CSMD1: variants seen among roughly 807,000 people sequenced by gnomAD.
The protein encoded by CSMD1 is CUB and Sushi multiple domains 1, also known as CUB and sushi domain-containing protein 1.
CSMD1 carries 213 observed loss-of-function variants against 417.5 expected under a neutral mutation model. The ratio of observed to expected loss-of-function variants is 0.51; its 90% CI spans 0.46 to 0.57. The LOEUF (loss-of-function observed/expected upper bound fraction) is 0.57. Ranked by LOEUF, CSMD1 falls within the 20% of genes least tolerant of loss-of-function variation. The pLI is 0.00. For synonymous variants in CSMD1, 2,862 were observed against 1,736.8 expected (o/e 1.65, Z -16.11); for missense variants, 6,923 against 4,529.7 (o/e 1.53, Z -15.17).
chr8:4,206,944 A>G (rs1178849003), intron 3 of CSMD1, among the ~76,000 whole-genome samples: 1 of 152,204 alleles, frequency 6.6e-6, no homozygotes, highest in African/African-American at 2.4e-5. Flanking sequence ...CTTTGAATGG[A>G]TAAAATGCCT....
intron 1 of CSMD1, among the ~76,000 whole-genome samples, chr8:4,919,380 C>A (rs1296470332): frequency 1.3e-5 from 2 of 152,014 alleles, no homozygotes; most frequent in African/African-American, 4.8e-5. Flanking sequence ...AACAAATAAT[C>A]TAATAAATTT....
At chr8:4,802,409 C>G (rs1389889919) in intron 1 of CSMD1, among the ~76,000 whole-genome samples, 2 of 151,722 alleles carry the variant, frequency 1.3e-5, no homozygotes, top group African/African-American at 4.8e-5. Context: ...CCGTGGTTAA[C>G]TTAACTTTGG....
intron 48 of CSMD1, among the ~76,000 whole-genome samples, chr8:3,088,073 C>A (rs1444032567): frequency 6.6e-6 from 1 of 152,160 alleles, no homozygotes; most frequent in Non-Finnish European, 1.5e-5. Flanking sequence ...GAAGAAAATG[C>A]ATTCTCTTGA....
intron 2 of CSMD1, among the ~76,000 whole-genome samples, chr8:4,580,918 G>C (rs1048737400): frequency 1.3e-5 from 2 of 152,172 alleles, no homozygotes; most frequent in African/African-American, 2.4e-5. Context: ...ATCATCGGAA[G>C]TTCAATGCAC....
At position 2,951,148 on chromosome 8, in the gene CSMD1, G is replaced by A. The variant is rs1802601111; in HGVS notation, c.10167C>T (p.Phe3389=). The A allele has an allele frequency of 1.9e-6, 3 of 1,613,424 alleles. No homozygotes were observed. The highest frequency in any genetic ancestry group is 1.3e-5 in the African/African-American group (1 of 74,916). Residue 3389 remains phenylalanine (F), a synonymous_variant, in exon 66 of 70, where the codon TTC becomes TTT. Coordinates refer to ENST00000635120, the MANE Select transcript of CSMD1 (RefSeq NM_033225.6). Reference sequence around the variant, plus strand: ...TCAGCTCCACTGGCGAGGCTTCGCTGAAGGTGGCATTCACCTTACTGCTTG... The same window carrying A: ...TCAGCTCCACTGGCGAGGCTTCGCTAAAGGTGGCATTCACCTTACTGCTTG... ...NATSSKVNAT[F]SEASPVELKL...
intron 5 of CSMD1, among the ~76,000 whole-genome samples, chr8:3,810,623 T>C (rs1044142825): frequency 5.3e-5 from 8 of 152,324 alleles, no homozygotes; most frequent in South Asian, 2.1e-4. Context: ...TGACTCATTA[T>C]TGGGGGACTG....
chr8:4,630,461 A>T (rs1802444213), intron 2 of CSMD1, among the ~76,000 whole-genome samples: 1 of 151,438 alleles, frequency 6.6e-6, no homozygotes, highest in African/African-American at 2.5e-5. Context: ...TCAAAAACAA[A>T]ACAAAACAAA....
intron 5 of CSMD1, among the ~76,000 whole-genome samples, chr8:3,942,483 G>T (rs1289390297): frequency 6.6e-6 from 1 of 152,060 alleles, no homozygotes; most frequent in African/African-American, 2.4e-5. Flanking sequence ...ACAGATGCCT[G>T]GATGAGCAAT....
chr8:3,920,464 C>A (rs909659839), intron 5 of CSMD1, among the ~76,000 whole-genome samples: 1 of 151,852 alleles, frequency 6.6e-6, no homozygotes, highest in African/African-American at 2.4e-5. Flanking sequence ...ATTTGAGTGC[C>A]TTTTATTCTT....
chr8:4,349,209 A>T (rs1338783891), intron 3 of CSMD1, among the ~76,000 whole-genome samples: 1 of 152,216 alleles, frequency 6.6e-6, no homozygotes, highest in Non-Finnish European at 1.5e-5. Flanking sequence ...AATCAGAATG[A>T]CTATAAGAAG....
chr8:4,208,849 G>A (rs1166768722), intron 3 of CSMD1, among the ~76,000 whole-genome samples: 1 of 152,150 alleles, frequency 6.6e-6, no homozygotes, highest in African/African-American at 2.4e-5. Context: ...AATTGAGGTA[G>A]CAATAAGTAT....
At chr8:3,992,082 C>T (rs1441435234) in intron 5 of CSMD1, among the ~76,000 whole-genome samples, 3 of 146,198 alleles carry the variant, frequency 2.1e-5, no homozygotes, top group Non-Finnish European at 3.0e-5. Context: ...ACACCTTCAG[C>T]TGGTATGCAG....
intron 3 of CSMD1, among the ~76,000 whole-genome samples, chr8:4,313,664 G>A (rs913212175): frequency 1.3e-5 from 2 of 152,070 alleles, no homozygotes; most frequent in African/African-American, 2.4e-5. Context: ...ACTTTAGAGA[G>A]GGAAACCAGG....
chr8:4,058,460 C>T (rs902772287), intron 3 of CSMD1, among the ~76,000 whole-genome samples: 2 of 152,142 alleles, frequency 1.3e-5, no homozygotes, highest in Non-Finnish European at 1.5e-5. Flanking sequence ...TTTCCAGATA[C>T]ACAATCACGT....
intron 2 of CSMD1, among the ~76,000 whole-genome samples, chr8:4,489,751 G>A (rs1563227354): frequency 6.6e-6 from 1 of 152,162 alleles, no homozygotes; most frequent in Non-Finnish European, 1.5e-5. Flanking sequence ...CAGCTGCCGC[G>A]GTGTGAGATG....
intron 2 of CSMD1, among the ~76,000 whole-genome samples, chr8:4,633,571 G>A (rs899241855): frequency 2.6e-4 from 38 of 144,970 alleles, no homozygotes; most frequent in African/African-American, 9.2e-4. Context: ...CTTTTGTTTT[G>A]TTTGAGATGA....
chr8:3,155,359 A>AGTTTTTTTTTTTTTTTTTTTTTTTTTT, intron 39 of CSMD1, among the ~76,000 whole-genome samples: 1 of 43,322 alleles, frequency 2.3e-5, no homozygotes. Context: ...CAAGGCTGGG[A>AGTTTTTTTTTTTTTTTTTTTTTTTTTT]TTTTTTTTTT....
intron 12 of CSMD1, among the ~76,000 whole-genome samples, chr8:3,440,758 G>A (rs528146807): frequency 6.6e-6 from 1 of 152,128 alleles, no homozygotes; most frequent in African/African-American, 2.4e-5. Context: ...CATCAGTAAG[G>A]TTAATTCTAA....
At chr8:3,837,614 T>A (rs11777359) in intron 5 of CSMD1, among the ~76,000 whole-genome samples, 2 of 152,114 alleles carry the variant, frequency 1.3e-5, no homozygotes, top group East Asian at 3.9e-4. Flanking sequence ...ATAGAAATTC[T>A]AGCGTTTGTG....
Sources: allele counts gnomAD v4.1 joint callset (sites outside exome capture counted in the v4.1 genomes callset), GRCh38; gene constraint gnomAD v4.1.1; transcripts MANE v1.5; gene names NCBI Gene and HGNC (gene_info 2026-07-23, HGNC 2026-07-21).